Variants in USH2A observed in about 807,000 individuals in gnomAD.
The protein encoded by USH2A is Usher syndrome 2A (autosomal recessive, mild).
A neutral mutation model predicts 538.9 loss-of-function variants in USH2A; 443 were observed. The observed-to-expected ratio is 0.82, with a 90% CI of 0.76 to 0.89. The LOEUF is 0.89. Among genes scored for constraint, USH2A ranks in the 40% least tolerant of loss-of-function variants. The pLI is 0.00. For missense variants in USH2A, 6,633 were observed against 6,324.8 expected (o/e 1.05, Z -1.65); for synonymous variants, 2,413 against 2,273.5 (o/e 1.06, Z -1.75).
intron 44 of USH2A, among the ~76,000 whole-genome samples, chr1:215,856,837 GTGTGT>G (rs1664183767): frequency 1.3e-5 from 1 of 76,810 alleles, no homozygotes; most frequent in African/African-American, 1.3e-4. Context: ...AATTTGGTGT[GTGTGT>G]GTGTGTGTGT....
In USH2A at chr1:215,634,470, C is replaced by T. The variant is rs577035355; in HGVS notation, c.15286G>A (p.Glu5096Lys). The change falls in exon 70 of 72, where the codon GAA becomes AAA. Residue 5096 changes from glutamate to lysine, a missense_variant. Glu to Lys is a moderately conservative substitution (Grantham distance 56, BLOSUM62 1). Transcript: ENST00000307340. Reference sequence around the variant, plus strand: ...CTCTACAAACATACCATATGGTTTTCCCCCGGTGGGTAAACATTCAATGGA... The same window carrying T: ...CTCTACAAACATACCATATGGTTTTTCCCCGGTGGGTAAACATTCAATGGA... ...MSPLNVYPPG[E>K]NHMGLADTKI... 2 of 1,614,174 alleles carry T rather than the reference C, an allele frequency of 1.2e-6. No individual in the cohort carries two copies. Among genetic ancestry groups the T allele is most frequent in the African/African-American group, 2.7e-5 (2 of 75,038 alleles).
At chr1:215,904,604 C>T (rs917941594) in intron 38 of USH2A, among the ~76,000 whole-genome samples, 2 of 152,136 alleles carry the variant, frequency 1.3e-5, no homozygotes, top group South Asian at 4.1e-4. Flanking sequence ...AACAGAAGAG[C>T]CCTGTATCCA....
chr1:216,196,530 A>G (rs912319430), intron 19 of USH2A, 23 bp downstream of exon 19: 2 of 1,612,856 alleles, frequency 1.2e-6, no homozygotes, highest in Middle Eastern at 1.6e-4. Flanking sequence ...TTCTGAAAGG[A>G]CATTAGTTAA....
intron 64 of USH2A, among the ~76,000 whole-genome samples, chr1:215,669,849 C>G (rs1471181935): frequency 1.3e-5 from 2 of 152,170 alleles, no homozygotes; most frequent in East Asian, 3.9e-4. Flanking sequence ...TCCCTGTATT[C>G]ACTGTACTCA....
chr1:215,633,080 T>C (rs191434390), intron 70 of USH2A, among the ~76,000 whole-genome samples: 12 of 152,214 alleles, frequency 7.9e-5, no homozygotes, highest in Non-Finnish European at 1.3e-4. Flanking sequence ...GTAAATGCTA[T>C]AGAAAAGAAA....
intron 30 of USH2A, among the ~76,000 whole-genome samples, chr1:216,062,507 G>A (rs2031218533): frequency 6.6e-6 from 1 of 152,124 alleles, no homozygotes. Context: ...GATTATAAAG[G>A]TAACTATGAA....
chr1:216,046,006 G>GGTGTGTGT (rs59426829), intron 32 of USH2A, among the ~76,000 whole-genome samples: 6,727 of 137,670 alleles, frequency 0.049, 247 homozygotes, highest in South Asian at 0.12. Flanking sequence ...CTATTTATCT[G>GGTGTGTGT]GTGTGTGTGT....
intron 20 of USH2A, among the ~76,000 whole-genome samples, chr1:216,177,691 G>T (rs532725152): frequency 6.6e-6 from 1 of 152,162 alleles, no homozygotes; most frequent in South Asian, 2.1e-4. Flanking sequence ...AGGTTCCTGG[G>T]AAACCCTAGG....
intron 11 of USH2A, among the ~76,000 whole-genome samples, chr1:216,273,328 C>T (rs991115684): frequency 9.2e-5 from 14 of 151,968 alleles, no homozygotes; most frequent in African/African-American, 2.7e-4. Context: ...ATCTAGCTTC[C>T]ACGGACTCTC....
chr1:216,179,996 C>A (rs1281359680), intron 20 of USH2A, among the ~76,000 whole-genome samples: 2 of 151,986 alleles, frequency 1.3e-5, no homozygotes, highest in Non-Finnish European at 1.5e-5. Flanking sequence ...CCCACTTTCC[C>A]ATCTGCAACA....
chr1:215,830,629 GC>G (rs1184143695), intron 47 of USH2A, among the ~76,000 whole-genome samples: 3 of 152,180 alleles, frequency 2.0e-5, no homozygotes, highest in African/African-American at 7.2e-5. Context: ...AGAGAAGAAA[GC>G]TAGAAGCTAA....
chr1:216,080,685 T>G (rs2031913398), intron 26 of USH2A, among the ~76,000 whole-genome samples: 1 of 150,768 alleles, frequency 6.6e-6, no homozygotes, highest in South Asian at 2.1e-4. Flanking sequence ...AAAGAGCCAA[T>G]TGAGAGGGAA....
At position 216,078,145 on chromosome 1, in the gene USH2A, A is replaced by G. The variant is rs886039867; in HGVS notation, c.5516T>C (p.Val1839Ala). The change falls in exon 27 of 72, where the codon GTG becomes GCG. Residue 1839 changes from valine (V) to alanine (A), a missense_variant. Val to Ala is a moderately conservative substitution (Grantham distance 64, BLOSUM62 0). Coordinates refer to ENST00000307340, the MANE Select transcript of USH2A (RefSeq NM_206933.4). ...QPLVVNSPVY[V>A]GGIPQELLNS... is the part of the protein sequence containing the mutation. ...CAGCAGTTCCTGTGGGATTCCTCCC[A>G]CATAAACTGGTGAATTCACCACCAG... 3.1e-6 allele frequency: 5 copies of G among 1,613,642 alleles called. No homozygotes were observed. Among genetic ancestry groups the G allele is most frequent in the African/African-American group, 1.3e-5 (1 of 74,896 alleles).
intron 69 of USH2A, among the ~76,000 whole-genome samples, chr1:215,638,603 A>G (rs1164550009): frequency 7.2e-6 from 1 of 139,092 alleles, no homozygotes; most frequent in Non-Finnish European, 1.5e-5. Flanking sequence ...TGGGCAACAG[A>G]GTAAGACTCT....
At chr1:216,174,628 C>T (rs747736605) in intron 21 of USH2A, 173 of 983,948 alleles carry the variant, frequency 1.8e-4, no homozygotes, top group East Asian at 2.3e-4. Context: ...ATTTTGTGAC[C>T]GAAACAAGAG....
chr1:216,290,300 T>C (rs1306621679), intron 10 of USH2A, among the ~76,000 whole-genome samples: 1 of 152,166 alleles, frequency 6.6e-6, no homozygotes, highest in Non-Finnish European at 1.5e-5. Flanking sequence ...ATATTGGCTA[T>C]TGAGCTAGTT....
At chr1:216,203,913 C>T (rs1050766914) in intron 16 of USH2A, 1 of 155,676 alleles carries the variant, frequency 6.4e-6, no homozygotes, top group Non-Finnish European at 1.5e-5. Flanking sequence ...CCATTCATGC[C>T]ATCCCAAATG....
chr1:216,309,935 A>G (rs996738519), intron 9 of USH2A, among the ~76,000 whole-genome samples: 8 of 152,102 alleles, frequency 5.3e-5, no homozygotes, highest in Admixed American at 4.6e-4. Context: ...CACATTGCTT[A>G]ATAGTTTTAT....
chr1:216,325,823 T>C (rs2037722610), intron 5 of USH2A, among the ~76,000 whole-genome samples: 1 of 152,218 alleles, frequency 6.6e-6, no homozygotes, highest in Non-Finnish European at 1.5e-5. Flanking sequence ...ATATTAACTT[T>C]TTATTTATAT....
Sources: allele counts gnomAD v4.1 joint callset (sites outside exome capture counted in the v4.1 genomes callset), GRCh38; gene constraint gnomAD v4.1.1; transcripts MANE v1.5; gene names NCBI Gene and HGNC (gene_info 2026-07-23, HGNC 2026-07-21).